Variants in ATP1B2 observed in about 807,000 individuals in gnomAD.
ATP1B2 encodes ATPase Na+/K+ transporting subunit beta 2.
In ATP1B2, 12 loss-of-function variants were observed where a neutral mutation model predicts 37.3. The observed-to-expected ratio is 0.32, with a 90% CI of 0.21 to 0.52. The LOEUF (loss-of-function observed/expected upper bound fraction) is 0.52, where lower values mean the gene tolerates loss of function less well. Among genes scored for constraint, ATP1B2 ranks in the 20% least tolerant of loss-of-function variants. The probability of loss-of-function intolerance (pLI) is 0.96; values close to 1 mark genes in which losing one functional copy is unlikely to be tolerated. For synonymous variants in ATP1B2, 139 were observed against 140.5 expected, an observed-to-expected ratio of 0.99 and a Z score of 0.07; for missense variants, 324 against 391.6, an observed-to-expected ratio of 0.83 and a Z score of 1.46.
chr17:7,650,065 A>T (rs12936842), upstream of ATP1B2, among the ~76,000 whole-genome samples: 44,727 of 151,996 alleles, frequency 0.29, 6,770 homozygotes, highest in South Asian at 0.4. Context: ...CCCGTGAGAG[A>T]TGTGGCTTCA....
intron 1 of ATP1B2, among the ~76,000 whole-genome samples, chr17:7,652,211 C>A (rs1271190349): frequency 6.6e-6 from 1 of 152,020 alleles, no homozygotes; most frequent in Admixed American, 6.6e-5. Flanking sequence ...GCTCCCATGT[C>A]GGTGACGGAG....
Position 7,655,705 on chromosome 17 carries a change from G to A in ATP1B2, c.709-26G>A. On this transcript the variant is annotated intron_variant, in intron 6 of 6. Coordinates refer to ENST00000250111, the MANE Select transcript of ATP1B2 (RefSeq NM_001678.5). The surrounding 1 kb of genome is among the most constrained non-coding windows in gnomAD (Gnocchi z 4.4). ...AGGAGGCCGCGTTGCCCCAGGCCTA[G>A]ACCCTGCACTGCTCCTCCGGCCCAG... 1 of 1,613,938 alleles carries A rather than the reference G, an allele frequency of 6.2e-7. No homozygotes were observed.
At chr17:7,652,007 C>T (rs1375192737) in intron 1 of ATP1B2, among the ~76,000 whole-genome samples, 2 of 152,132 alleles carry the variant, frequency 1.3e-5, no homozygotes, top group East Asian at 3.9e-4. Context: ...GCAGCCCCGT[C>T]TATTTTTAGC....
intron 1 of ATP1B2, 83 bp from the exon 2 acceptor site, chr17:7,653,291 A>G: frequency 6.3e-7 from 1 of 1,585,802 alleles, no homozygotes; most frequent in Admixed American, 1.7e-5. Context: ...GCAGAACTTC[A>G]GAGTGGGTAG....
At chr17:7,649,121 C>T (rs916598035), upstream of ATP1B2, among the ~76,000 whole-genome samples, 12 of 152,176 alleles carry the variant, frequency 7.9e-5, no homozygotes, top group Non-Finnish European at 1.5e-4. Context: ...GACACAATCT[C>T]GGCTCACTGC....
chr17:7,650,608 C>T (rs1211763864), upstream of ATP1B2, among the ~76,000 whole-genome samples: 1 of 152,126 alleles, frequency 6.6e-6, no homozygotes, highest in Non-Finnish European at 1.5e-5. Context: ...CTGCCTGGGG[C>T]CCCCACCTTT....
chr17:7,651,547 G>A lies in ATP1B2; in HGVS notation c.29G>A (p.Cys10Tyr), dbSNP rs1712952487. Residue 10 changes from cysteine to tyrosine, a missense_variant, in exon 1 of 7, where the codon TGC becomes TAC. Coordinates refer to ENST00000250111, the MANE Select transcript of ATP1B2 (RefSeq NM_001678.5). ...GTCATCCAGAAAGAGAAGAAGAGCT[G>A]CGGGCAGGTGGTTGAGGAGTGGAAG... MVIQKEKKS[C>Y]GQVVEEWKEF... is the part of the protein sequence containing the mutation. 1 of 1,606,452 alleles carries A rather than the reference G, an allele frequency of 6.2e-7. No homozygotes were observed. Among genetic ancestry groups the A allele is most frequent in the Admixed American group, 1.7e-5 (1 of 59,234 alleles).
upstream of ATP1B2, among the ~76,000 whole-genome samples, chr17:7,649,568 T>C: frequency 6.6e-6 from 1 of 151,000 alleles, no homozygotes; most frequent in African/African-American, 2.4e-5. Flanking sequence ...TTTTTTTTTT[T>C]TTTATTGAGA....
Position 7,653,501 on chromosome 17 carries a change from G to A in ATP1B2, c.240G>A (p.Pro80=), listed in dbSNP as rs777915470. 13 of 1,613,848 alleles carry A rather than the reference G, an allele frequency of 8.1e-6. No homozygotes were observed. Among genetic ancestry groups the A allele is most frequent in the East Asian group, 2.2e-5 (1 of 44,890 alleles). ...TPKYQDRLAT[P]GLMIRPKTEN... ...AGTACCAGGACCGACTGGCCACACC[G>A]GGTGAGTGTGGAGGCTCCCCCTGCC... Residue 80 remains proline, a splice_region_variant and synonymous_variant, in exon 2 of 7, where the codon CCG becomes CCA. Coordinates refer to ENST00000250111, the MANE Select transcript of ATP1B2 (RefSeq NM_001678.5).
upstream of ATP1B2, among the ~76,000 whole-genome samples, chr17:7,647,220 T>G (rs2072580636): frequency 6.6e-6 from 1 of 151,854 alleles, no homozygotes; most frequent in South Asian, 2.1e-4. Context: ...GTAGGAGGCA[T>G]GGATGATCAC....
chr17:7,648,235 G>A (rs1338873804), upstream of ATP1B2, among the ~76,000 whole-genome samples: 1 of 151,968 alleles, frequency 6.6e-6, no homozygotes, highest in African/African-American at 2.4e-5. Flanking sequence ...GCAAGACCCT[G>A]TCTCTAAAAC....
At position 7,656,011 on chromosome 17, in the gene ATP1B2, G is replaced by A; in HGVS notation, c.*116G>A. The A allele has an allele frequency of 7.3e-7, 1 of 1,364,978 alleles. No individual in the cohort carries two copies. Among genetic ancestry groups the A allele is most frequent in the Non-Finnish European group, 1.0e-6 (1 of 1,002,972 alleles). 84.6% of individuals were successfully genotyped at this position (1,364,978 alleles called of 1,614,324 possible). The stretch of plus-strand genomic sequence containing the variant: ...ATTTTTGATAACAGAGCTATGACTT[G>A]TCTGAGCCTCACATCCTTTTCCTTG... On this transcript the variant is annotated 3_prime_UTR_variant, in exon 7 of 7. Transcript: ENST00000250111.
chr17:7,654,312 C>T lies in ATP1B2; in HGVS notation c.552+55C>T, dbSNP rs36041343. ...TGGAGGAAGGATCTGGGGACACCACCTGCAGACAATTGCATCCTTTCACTG... is the reference window on the plus strand; with the variant it reads ...TGGAGGAAGGATCTGGGGACACCACTTGCAGACAATTGCATCCTTTCACTG... On this transcript the variant is annotated intron_variant, in intron 4 of 6. Transcript: ENST00000250111. The surrounding 1 kb of genome is among the most constrained non-coding windows in gnomAD (Gnocchi z 4.9). 0.03 allele frequency: 47,826 copies of T among 1,575,130 alleles called. 847 individuals are homozygous for T. Among genetic ancestry groups the T allele is most frequent in the Non-Finnish European group, 0.033 (38,008 of 1,147,708 alleles).
rs148306951 is a variant in ATP1B2, at chr17:7,653,884, C to G, written c.285C>G (p.Val95=). 624 of 1,614,122 alleles carry G rather than the reference C, an allele frequency of 3.9e-4. 6 individuals carry two copies. In the South Asian group the frequency reaches 4.7e-3, roughly 12 times the overall value. Residue 95 remains valine, a synonymous_variant, in exon 3 of 7, where the codon GTC becomes GTG. Transcript: ENST00000250111. ...AGACTGAGAACCTTGATGTCATTGTCAATGTCAGTGACACTGAAAGCTGGG... is the reference window on the plus strand; with the variant it reads ...AGACTGAGAACCTTGATGTCATTGTGAATGTCAGTGACACTGAAAGCTGGG... ...RPKTENLDVI[V]NVSDTESWDQ...
chr17:7,655,088 T>C lies in ATP1B2; in HGVS notation c.609+404T>C. On this transcript the variant is annotated intron_variant, in intron 5 of 6. Coordinates refer to ENST00000250111, the MANE Select transcript of ATP1B2 (RefSeq NM_001678.5). The surrounding 1 kb of genome is among the most constrained non-coding windows in gnomAD (Gnocchi z 4.4). The stretch of plus-strand genomic sequence containing the variant: ...TAGCTGCTGATCTGTTAGCACCATC[T>C]GCCACCAGTTCGTTGTCCTTGGGAC... The C allele has an allele frequency of 3.3e-6, 1 of 306,986 alleles. No individual in the cohort carries two copies. The highest frequency in any genetic ancestry group is 6.1e-6 in the Non-Finnish European group (1 of 163,754). The allele number at this position is 306,986 out of a possible 1,614,324, so 19.0% of individuals were successfully genotyped here.
chr17:7,652,045 C>T (rs1298370334), intron 1 of ATP1B2, among the ~76,000 whole-genome samples: 1 of 152,038 alleles, frequency 6.6e-6, no homozygotes, highest in East Asian at 1.9e-4. Flanking sequence ...ACCCTGGGAA[C>T]GTTCATGAGG....
chr17:7,653,527 A>T, intron 2 of ATP1B2, 25 bp downstream of exon 2: 1 of 1,613,170 alleles, frequency 6.2e-7, no homozygotes, highest in South Asian at 1.1e-5. Flanking sequence ...TCCCCCTGCC[A>T]GCTACTCTAA....
intron 2 of ATP1B2, 132 bp downstream of exon 2, chr17:7,653,634 A>G (rs536389520): frequency 7.0e-5 from 101 of 1,442,072 alleles, no homozygotes; most frequent in Non-Finnish European, 8.7e-5. Flanking sequence ...AAGTTCTTGA[A>G]ATCTGTCCAC....
chr17:7,648,073 C>G (rs1304940800), upstream of ATP1B2, among the ~76,000 whole-genome samples: 1 of 151,914 alleles, frequency 6.6e-6, no homozygotes, highest in Non-Finnish European at 1.5e-5. Flanking sequence ...AACCCTGTCT[C>G]TAGTAAAAAT....
Sources: gnomAD v4.1 joint callset for allele counts (sites outside exome capture counted in the v4.1 genomes callset) on GRCh38, gnomAD v4.1.1 for gene constraint, Gnocchi (gnomAD v3.1) non-coding constraint, MANE v1.5 for transcripts, NCBI Gene and HGNC (gene_info 2026-07-23, HGNC 2026-07-21) for gene names.